The following NLGN1 variants were observed in gnomAD, a reference collection of about 807,000 sequenced individuals.
The protein encoded by NLGN1 is neuroligin-1.
A neutral mutation model predicts 65.5 loss-of-function variants in NLGN1; 12 were observed. That is an observed-to-expected ratio of 0.18 (90% CI 0.12 to 0.30). The LOEUF (loss-of-function observed/expected upper bound fraction) is 0.30. Among genes scored for constraint, NLGN1 ranks in the 10% least tolerant of loss-of-function variants. NLGN1 has a pLI of 1.00. For synonymous variants in NLGN1, 350 were observed against 359.5 expected (o/e 0.97, Z 0.30); for missense variants, 750 against 1,007.1 (o/e 0.74, Z 3.46).
chr3:173,582,865 C>T (rs1746616486), intron 2 of NLGN1, among the ~76,000 whole-genome samples: 1 of 152,112 alleles, frequency 6.6e-6, no homozygotes, highest in African/African-American at 2.4e-5. Context: ...CTATTTCCCT[C>T]TAAATGTTGT....
chr3:174,139,527 A>G (rs1039777663), intron 4 of NLGN1, among the ~76,000 whole-genome samples: 37 of 152,086 alleles, frequency 2.4e-4, no homozygotes, highest in Admixed American at 6.6e-4. Flanking sequence ...ACTGAAGGAC[A>G]TCTTGCTTAC....
intron 3 of NLGN1, among the ~76,000 whole-genome samples, chr3:173,730,101 A>G (rs897387314): frequency 1.3e-5 from 2 of 151,748 alleles, no homozygotes; most frequent in Non-Finnish European, 2.9e-5. Flanking sequence ...TATTGAAAAT[A>G]TAACATTGGA....
At position 173,743,466 on chromosome 3, in the gene NLGN1, G is replaced by A. The variant is rs148120148; in HGVS notation, c.494-64214G>A. Among the ~76,000 whole-genome samples, 823 of 152,130 alleles carry A rather than the reference G, an allele frequency of 5.4e-3. 8 individuals are homozygous for A. Among genetic ancestry groups the A allele is most frequent in the African/African-American group, 0.019 (788 of 41,510 alleles). On this transcript the variant is annotated intron_variant, in intron 3 of 6. Coordinates refer to ENST00000457714, the Ensembl canonical transcript of NLGN1. ...GCTACTTATTATTCATACTACTTCA[G>A]TGTCACTGTTAGTGCTTTCTACTAT...
At chr3:173,877,546 A>G (rs897962051) in intron 4 of NLGN1, among the ~76,000 whole-genome samples, 2 of 152,160 alleles carry the variant, frequency 1.3e-5, no homozygotes, top group African/African-American at 4.8e-5. Flanking sequence ...AGTTAATACC[A>G]GTAGTATTGT....
At chr3:174,222,057 T>A (rs990023117) in intron 4 of NLGN1, among the ~76,000 whole-genome samples, 8 of 152,134 alleles carry the variant, frequency 5.3e-5, no homozygotes, top group African/African-American at 1.9e-4. Context: ...AGATATAAAT[T>A]TTGGGGGGAA....
At chr3:174,233,486 CATAATAATAATAATAATA>C (rs57467873) in intron 4 of NLGN1, among the ~76,000 whole-genome samples, 1 of 146,886 alleles carries the variant, frequency 6.8e-6, no homozygotes. Flanking sequence ...AACTCTGTCT[CATAATAATAATAATAATA>C]ATAATAATAA....
intron 4 of NLGN1, among the ~76,000 whole-genome samples, chr3:174,032,422 G>C (rs1730210296): frequency 6.6e-6 from 1 of 152,184 alleles, no homozygotes; most frequent in African/African-American, 2.4e-5. Context: ...TCAATGCATA[G>C]ATAAGTTTGA....
At chr3:173,730,331 C>CCCCA (rs1553822136) in intron 3 of NLGN1, among the ~76,000 whole-genome samples, 1 of 130,796 alleles carries the variant, frequency 7.6e-6, no homozygotes, top group East Asian at 2.2e-4. Context: ...CTCCCCCCCC[C>CCCCA]CCGCAAAAAT....
At chr3:173,424,410 C>T (rs1302639844) in intron 1 of NLGN1, among the ~76,000 whole-genome samples, 1 of 152,204 alleles carries the variant, frequency 6.6e-6, no homozygotes, top group Non-Finnish European at 1.5e-5. Flanking sequence ...TTTTCTACCA[C>T]ATGGTCAGGC....
intron 4 of NLGN1, among the ~76,000 whole-genome samples, chr3:174,074,571 G>A (rs935191130): frequency 2.3e-4 from 35 of 152,214 alleles, no homozygotes; most frequent in East Asian, 9.7e-4. Flanking sequence ...GATCAGACAC[G>A]GATGTTACTT....
intron 4 of NLGN1, among the ~76,000 whole-genome samples, chr3:173,978,687 A>C (rs746422531): frequency 6.6e-6 from 1 of 151,748 alleles, no homozygotes; most frequent in African/African-American, 2.4e-5. Flanking sequence ...ACCTTTGTCA[A>C]ATATTCCTGA....
At chr3:173,683,718 G>A (rs373975094) in intron 3 of NLGN1, among the ~76,000 whole-genome samples, 1 of 152,052 alleles carries the variant, frequency 6.6e-6, no homozygotes, top group Non-Finnish European at 1.5e-5. Context: ...TAGTTGATAC[G>A]ATCAAATAAG....
At chr3:173,911,674 T>G (rs1579135739) in intron 4 of NLGN1, among the ~76,000 whole-genome samples, 1 of 152,162 alleles carries the variant, frequency 6.6e-6, no homozygotes, top group Non-Finnish European at 1.5e-5. Flanking sequence ...TTCTGTTGAC[T>G]GGCTCTAACT....
At chr3:173,415,766 A>G (rs764077443) in intron 1 of NLGN1, among the ~76,000 whole-genome samples, 27 of 152,228 alleles carry the variant, frequency 1.8e-4, no homozygotes, top group Non-Finnish European at 4.0e-4. Flanking sequence ...GGATGGATTC[A>G]GGGTATAGGC....
intron 4 of NLGN1, among the ~76,000 whole-genome samples, chr3:174,230,350 C>A (rs1266593102): frequency 1.3e-5 from 2 of 152,058 alleles, no homozygotes; most frequent in African/African-American, 4.8e-5. Context: ...AATGAGATGT[C>A]ATTTTCCCCA....
intron 4 of NLGN1, among the ~76,000 whole-genome samples, chr3:174,139,575 C>G (rs530305207): frequency 1.3e-5 from 2 of 152,114 alleles, no homozygotes; most frequent in East Asian, 1.9e-4. Context: ...GATACTATAT[C>G]TCAGTGCAGG....
chr3:174,008,536 A>G (rs1054767236), intron 4 of NLGN1, among the ~76,000 whole-genome samples: 1 of 152,058 alleles, frequency 6.6e-6, no homozygotes, highest in African/African-American at 2.4e-5. Flanking sequence ...ACAAAGCAAG[A>G]GTACCTCACT....
At chr3:173,634,044 G>A (rs1756177374) in intron 3 of NLGN1, among the ~76,000 whole-genome samples, 1 of 151,960 alleles carries the variant, frequency 6.6e-6, no homozygotes, top group South Asian at 2.1e-4. Flanking sequence ...ATCTACTCAA[G>A]GCTGTATCTG....
chr3:173,712,822 AT>A (rs1256879530), intron 3 of NLGN1, among the ~76,000 whole-genome samples: 17 of 152,110 alleles, frequency 1.1e-4, no homozygotes, highest in South Asian at 4.1e-4. Flanking sequence ...AGATAAAAAA[AT>A]ATACAGTCTG....
Sources: gnomAD v4.1 joint callset for allele counts (sites outside exome capture counted in the v4.1 genomes callset) on GRCh38, gnomAD v4.1.1 for gene constraint, MANE v1.5 for transcripts, NCBI Gene and HGNC (gene_info 2026-07-23, HGNC 2026-07-21) for gene names.